CFHR5: variants seen among roughly 807,000 people sequenced by gnomAD.
CFHR5 encodes complement factor H related 5.
Under a neutral mutation model 62.9 loss-of-function variants are expected in CFHR5, and 73 were observed. That is an observed-to-expected ratio of 1.16 (90% CI 0.96 to 1.41). The LOEUF is 1.41. Ranked by LOEUF, CFHR5 falls within the 40% of genes most tolerant of loss-of-function variation. The pLI is 0.00. For synonymous variants in CFHR5, 249 were observed against 227.2 expected, an observed-to-expected ratio of 1.10 and a Z score of -0.86; for missense variants, 779 against 679.9, an observed-to-expected ratio of 1.15 and a Z score of -1.62.
At chr1:196,987,308 C>A (rs150967637) in intron 3 of CFHR5, among the ~76,000 whole-genome samples, 1 of 151,834 alleles carries the variant, frequency 6.6e-6, no homozygotes. Context: ...CCATTCTGTA[C>A]GTTGCCTGTT....
chr1:197,004,148 A>G (rs1654225718), intron 8 of CFHR5, among the ~76,000 whole-genome samples: 1 of 152,152 alleles, frequency 6.6e-6, no homozygotes, highest in South Asian at 2.1e-4. Context: ...AGTTTTCCCC[A>G]AAATCTCTTC....
chr1:197,000,568 A>G (rs771974933), intron 7 of CFHR5, among the ~76,000 whole-genome samples: 1 of 152,144 alleles, frequency 6.6e-6, no homozygotes, highest in Non-Finnish European at 1.5e-5. Flanking sequence ...CTTAGTTGGG[A>G]CTTTGTTGAT....
chr1:196,995,777 G>A lies in CFHR5; in HGVS notation c.668G>A (p.Arg223Lys). 1 of 1,613,248 alleles carries A rather than the reference G, an allele frequency of 6.2e-7. No homozygotes were observed. The highest frequency in any genetic ancestry group is 8.5e-7 in the Non-Finnish European group (1 of 1,179,340). ...QLSNGEVKEI[R>K]KEEYGHNEVV... ...TCCAATGGTGAAGTTAAGGAGATAA[G>A]AAAAGAGGAATATGGACACAATGAA... The change falls in exon 5 of 10, where the codon AGA (arginine) becomes AAA (lysine). Residue 223 changes from arginine (R) to lysine (K), a missense_variant. Transcript: ENST00000256785.
chr1:196,989,633 T>C (rs1406729977), intron 3 of CFHR5, among the ~76,000 whole-genome samples: 1 of 152,162 alleles, frequency 6.6e-6, no homozygotes, highest in Non-Finnish European at 1.5e-5. Flanking sequence ...ATTTACCTGG[T>C]AGTCATTCAG....
intron 3 of CFHR5, among the ~76,000 whole-genome samples, chr1:196,987,855 CT>C (rs1653737016): frequency 6.6e-6 from 1 of 152,226 alleles, no homozygotes; most frequent in Admixed American, 6.5e-5. Context: ...AATGCAGCCC[CT>C]TTTTTGATTC....
chr1:196,997,487 A>G (rs1343648093), intron 6 of CFHR5, among the ~76,000 whole-genome samples: 1 of 152,154 alleles, frequency 6.6e-6, no homozygotes, highest in Non-Finnish European at 1.5e-5. Context: ...AAGGCTCCAT[A>G]ACTATCTACA....
intron 7 of CFHR5, among the ~76,000 whole-genome samples, chr1:197,001,323 T>C (rs1028688883): frequency 6.6e-6 from 1 of 152,092 alleles, no homozygotes; most frequent in African/African-American, 2.4e-5. Flanking sequence ...AGTATAAAAT[T>C]CCTATTTTAG....
At chr1:197,002,375 T>C in intron 7 of CFHR5, 107 bp from the exon 8 acceptor site, 1 of 730,478 alleles carries the variant, frequency 1.4e-6, no homozygotes, top group Non-Finnish European at 2.4e-6. Flanking sequence ...TAGAGAGACA[T>C]AGTGTGTGTG....
Position 197,004,704 on chromosome 1 carries a change from A to G in CFHR5, c.1374A>G (p.Gly458=). Reference sequence around the variant, plus strand: ...GGCCCCCTCCATCTATTAACAATGGAGATACCACCTCATTCCCATTATCAG... The same window carrying G: ...GGCCCCCTCCATCTATTAACAATGGGGATACCACCTCATTCCCATTATCAG... ...YCGPPPSINN[G]DTTSFPLSVY... is the part of the protein sequence containing the mutation. Residue 458 remains glycine (G), a synonymous_variant, in exon 9 of 10, where the codon GGA becomes GGG. Transcript: ENST00000256785. The G allele has an allele frequency of 6.2e-7, 1 of 1,613,672 alleles. No individual in the cohort carries two copies.
At position 196,982,968 on chromosome 1, in the gene CFHR5, G is replaced by GTT. The variant is rs764958024; in HGVS notation, c.142_143insTT (p.Gly48ValfsTer24). ...TAACCCTTTTTCCCAAGTTCCTACA[G>GTT]GGGAAGTTTTCTATTACTCCTGTGA... On this transcript the variant is annotated frameshift_variant, in exon 2 of 10. Transcript: ENST00000256785. LOFTEE classifies it high-confidence loss of function. 1 of 1,613,938 alleles carries GTT rather than the reference G, an allele frequency of 6.2e-7. No homozygotes were observed. Among genetic ancestry groups the GTT allele is most frequent in the Non-Finnish European group, 8.5e-7 (1 of 1,180,004 alleles).
chr1:196,981,912 A>G (rs1414572633), intron 1 of CFHR5, among the ~76,000 whole-genome samples: 1 of 150,424 alleles, frequency 6.6e-6, no homozygotes, highest in Non-Finnish European at 1.5e-5. Context: ...TTTCTTTTTC[A>G]GATATTTTGG....
At chr1:196,997,021 T>C (rs918981247) in intron 6 of CFHR5, among the ~76,000 whole-genome samples, 1 of 152,044 alleles carries the variant, frequency 6.6e-6, no homozygotes, top group African/African-American at 2.4e-5. Flanking sequence ...TTGTCCTATC[T>C]CTAGCAACCT....
chr1:196,993,734 A>G (rs552145372), intron 3 of CFHR5, among the ~76,000 whole-genome samples: 189 of 152,318 alleles, frequency 1.2e-3, no homozygotes, highest in Admixed American at 5.5e-3. Context: ...TTATAAACAA[A>G]TAATGTTATT....
chr1:196,977,441 C>A (rs1653425367), upstream of CFHR5: 1 of 567,000 alleles, frequency 1.8e-6, no homozygotes, highest in Non-Finnish European at 3.2e-6. Flanking sequence ...TATTACATAA[C>A]GAGCTGAGAA....
chr1:196,985,060 T>C lies in CFHR5; in HGVS notation c.430+923T>C, dbSNP rs1412562845. ...ATTTCCAGCATTCTGAAAATAAATT[T>C]TGTAAAATTTTCTAAATTTTTTTTC... On this transcript the variant is annotated intron_variant, in intron 3 of 9. Coordinates refer to ENST00000256785, the MANE Select transcript of CFHR5 (RefSeq NM_030787.4). Among the ~76,000 whole-genome samples, 4 of 152,242 alleles carry C rather than the reference T, an allele frequency of 2.6e-5. No homozygotes were observed. In the East Asian group the frequency reaches 7.7e-4, roughly 29 times the overall value.
At chr1:196,987,213 G>GT (rs1553313788) in intron 3 of CFHR5, among the ~76,000 whole-genome samples, 3 of 150,944 alleles carry the variant, frequency 2.0e-5, no homozygotes, top group African/African-American at 4.8e-5. Context: ...TTTTGATGGG[G>GT]TTTTTTCTTG....
Position 196,994,101 on chromosome 1 carries a change from T to C in CFHR5, c.452T>C (p.Ile151Thr). Residue 151 changes from isoleucine to threonine, a missense_variant, in exon 4 of 10, where the codon ATT (isoleucine) becomes ACT (threonine). Ile to Thr is a moderately conservative substitution (Grantham distance 89). Coordinates refer to ENST00000256785, the MANE Select transcript of CFHR5 (RefSeq NM_030787.4). ...TTAGAAGGAGAATGTCATGTTCCAA[T>C]TTTAGAAGCCAATGTAGATGCTCAG... ...SFTKGECHVPILEANVDAQPK... is the reference protein window; with the variant it reads ...SFTKGECHVPTLEANVDAQPK... 6.2e-7 allele frequency: 1 copy of C among 1,613,234 alleles called. No individual in the cohort carries two copies. Among genetic ancestry groups the C allele is most frequent in the Non-Finnish European group, 8.5e-7 (1 of 1,179,502 alleles).
At position 197,002,760 on chromosome 1, in the gene CFHR5, G is replaced by A. The variant is rs1654188200; in HGVS notation, c.1330+96G>A. On this transcript the variant is annotated intron_variant, in intron 8 of 9. Transcript: ENST00000256785. ...AGAAACAAGAACTTATGACTAATCT[G>A]TTGCACTGTACCCCAAAGCCTTAAA... 1.9e-5 allele frequency: 19 copies of A among 1,013,854 alleles called. No homozygotes were observed. The South Asian group carries it at 2.6e-4, about 14-fold the overall frequency. The allele number at this position is 1,013,854 out of a possible 1,614,324, so 62.8% of individuals were successfully genotyped here.
At chr1:197,005,582 G>T (rs977541166) in intron 9 of CFHR5, among the ~76,000 whole-genome samples, 1 of 152,038 alleles carries the variant, frequency 6.6e-6, no homozygotes, top group Non-Finnish European at 1.5e-5. Flanking sequence ...GATATGGGGC[G>T]AATTAATAAC....
Sources: gnomAD v4.1 joint callset for allele counts (sites outside exome capture counted in the v4.1 genomes callset) on GRCh38, gnomAD v4.1.1 for gene constraint, MANE v1.5 for transcripts, NCBI Gene and HGNC (gene_info 2026-07-23, HGNC 2026-07-21) for gene names.